Variants in CARHSP1 observed in about 807,000 individuals in gnomAD.
The protein encoded by CARHSP1 is calcium regulated heat stable protein 1, also known as calcium-regulated heat-stable protein 1.
CARHSP1 carries 14 observed loss-of-function variants against 12.5 expected under a neutral mutation model. The observed-to-expected ratio is 1.12, with a 90% CI of 0.74 to 1.75. CARHSP1 has a LOEUF of 1.75. CARHSP1 is among the 40% of genes most tolerant of loss of function. CARHSP1 has a pLI of 0.00. For missense variants in CARHSP1, 343 were observed against 201.6 expected (o/e 1.70, Z -4.25); for synonymous variants, 161 against 82.0 (o/e 1.96, Z -5.20).
chr16:8,860,930 A>C (rs748921651), intron 1 of CARHSP1, among the ~76,000 whole-genome samples: 12 of 151,440 alleles, frequency 7.9e-5, no homozygotes, highest in Non-Finnish European at 1.8e-4. Context: ...GGTGCCTGTA[A>C]TCCCAGCTAC....
chr16:8,859,590 C>A (rs1335682374), intron 1 of CARHSP1, among the ~76,000 whole-genome samples: 1 of 151,996 alleles, frequency 6.6e-6, no homozygotes, highest in African/African-American at 2.4e-5. Context: ...AGGATGGCAT[C>A]GGTCCCCTCT....
chr16:8,861,158 ATTTTTTTTTTTTTTTTT>A (rs765114977), intron 1 of CARHSP1, among the ~76,000 whole-genome samples: 204 of 51,260 alleles, frequency 4.0e-3, no homozygotes, highest in South Asian at 5.3e-3. Context: ...TCCATGCCTA[ATTTTTTTTTTTTTTTTT>A]TTTTTTTTTT....
At chr16:8,863,503 C>G (rs925707103) in intron 1 of CARHSP1, among the ~76,000 whole-genome samples, 2 of 152,222 alleles carry the variant, frequency 1.3e-5, no homozygotes, top group Non-Finnish European at 2.9e-5. Context: ...CCCAGCCCAG[C>G]AGGAGGTGGC....
intron 1 of CARHSP1, among the ~76,000 whole-genome samples, chr16:8,863,979 G>A (rs2061413768): frequency 6.6e-6 from 1 of 152,180 alleles, no homozygotes; most frequent in South Asian, 2.1e-4. Context: ...CCTGCCCTCT[G>A]TGACTAGCCT....
intron 3 of CARHSP1, among the ~76,000 whole-genome samples, chr16:8,857,266 T>TTTTGTTTTG (rs1213690410): frequency 2.0e-4 from 3 of 15,122 alleles, no homozygotes; most frequent in African/African-American, 6.5e-4. Flanking sequence ...CAGATCTGTT[T>TTTTGTTTTG]TTTTTTTTTT....
rs2061488770 is a variant in CARHSP1 at position 8,868,949 on chromosome 16, C to G, written c.-8+17G>C. The G allele has an allele frequency of 6.6e-6, 1 of 151,974 alleles. No homozygotes were observed. Among genetic ancestry groups the G allele is most frequent in the Non-Finnish European group, 1.5e-5 (1 of 68,030 alleles). The allele number at this position is 151,974 out of a possible 1,614,324, so 9.4% of individuals were successfully genotyped here. A position where few individuals can be genotyped will look rare whatever the true frequency, so the allele number is the denominator to read the frequency against. ...CCAGGGGCGCCTATCCTGGGGTCCCCGAGAAGAGCTCCCTACCCTGCAATC... is the reference window on the plus strand; with the variant it reads ...CCAGGGGCGCCTATCCTGGGGTCCCGGAGAAGAGCTCCCTACCCTGCAATC... On this transcript the variant is annotated intron_variant, in intron 1 of 3. Coordinates refer to ENST00000311052, the MANE Select transcript of CARHSP1 (RefSeq NM_014316.4).
chr16:8,860,310 C>T, intron 1 of CARHSP1: 1 of 984,818 alleles, frequency 1.0e-6, no homozygotes, highest in Non-Finnish European at 1.2e-6. Flanking sequence ...GGTCACCACG[C>T]TGTTATGAAA....
intron 1 of CARHSP1, chr16:8,868,701 A>G (rs1040645120): frequency 1.3e-5 from 2 of 151,920 alleles, no homozygotes; most frequent in Non-Finnish European, 2.9e-5. Flanking sequence ...CGCAGAGAAC[A>G]GGTGGCCAGG....
intron 3 of CARHSP1, 179 bp downstream of exon 3, chr16:8,858,171 A>C (rs2061210764): frequency 2.8e-6 from 2 of 721,840 alleles, no homozygotes; most frequent in Non-Finnish European, 4.5e-6. Context: ...GAGTCTCACA[A>C]CCCCAACCCA....
At chr16:8,866,326 C>G (rs1231128041) in intron 1 of CARHSP1, 2 of 569,842 alleles carry the variant, frequency 3.5e-6, no homozygotes, top group Admixed American at 6.3e-5. Context: ...CCGGGCTACA[C>G]TGGCCCATCT....
chr16:8,855,540 G>C (rs2061073000), intron 3 of CARHSP1, among the ~76,000 whole-genome samples: 1 of 152,168 alleles, frequency 6.6e-6, no homozygotes, highest in African/African-American at 2.4e-5. Context: ...GGCCCAATCA[G>C]CTCCTTCCCT....
chr16:8,861,586 G>A (rs2061356543), intron 1 of CARHSP1: 5 of 1,277,956 alleles, frequency 3.9e-6, no homozygotes, highest in Non-Finnish European at 5.1e-6. Flanking sequence ...AGACATTGCT[G>A]CACTCTCCCG....
intron 3 of CARHSP1, among the ~76,000 whole-genome samples, chr16:8,856,650 C>T (rs2061121431): frequency 6.6e-6 from 1 of 152,130 alleles, no homozygotes; most frequent in African/African-American, 2.4e-5. Context: ...AGGGGTAACT[C>T]CCCCATTGCA....
chr16:8,863,575 G>A (rs541384033), intron 1 of CARHSP1, among the ~76,000 whole-genome samples: 4 of 152,300 alleles, frequency 2.6e-5, no homozygotes, highest in South Asian at 2.1e-4. Flanking sequence ...GACTAGGGGC[G>A]GGGGCAGTGC....
rs780726763 is a variant in CARHSP1, at chr16:8,853,050, C to G, written c.*2114G>C. 2 of 152,170 alleles carry G rather than the reference C, an allele frequency of 1.3e-5. No homozygotes were observed. Among genetic ancestry groups the G allele is most frequent in the Non-Finnish European group, 2.9e-5 (2 of 68,050 alleles). 9.4% of individuals were successfully genotyped at this position (152,170 alleles called of 1,614,324 possible). ...CTCTCGCTCTGTCACCAAAACCCTCCGTCCCTCCCAGAGCCTCGAGGAGTT... is the reference window on the plus strand; with the variant it reads ...CTCTCGCTCTGTCACCAAAACCCTCGGTCCCTCCCAGAGCCTCGAGGAGTT... On this transcript the variant is annotated 3_prime_UTR_variant, in exon 4 of 4. Coordinates refer to ENST00000311052, the MANE Select transcript of CARHSP1 (RefSeq NM_014316.4).
chr16:8,862,851 C>T (rs1463891570), intron 1 of CARHSP1, among the ~76,000 whole-genome samples: 2 of 152,132 alleles, frequency 1.3e-5, no homozygotes, highest in Non-Finnish European at 2.9e-5. Context: ...TCGTCGTCCT[C>T]CTTGCATCTT....
rs1169435377 is a variant in CARHSP1 at position 8,854,861 on chromosome 16, C to T, written c.*303G>A. ...CAGCTGGAGAAATACCACCCTTGAT[C>T]CACTCCCTGGGATGGGGTTGGAACC... On this transcript the variant is annotated 3_prime_UTR_variant, in exon 4 of 4. Coordinates refer to ENST00000311052, the MANE Select transcript of CARHSP1 (RefSeq NM_014316.4). 1.2e-5 allele frequency: 3 copies of T among 243,168 alleles called. No individual in the cohort carries two copies. The highest frequency in any genetic ancestry group is 1.2e-3 in the Middle Eastern group (1 of 838). The allele number at this position is 243,168 out of a possible 1,614,324, so 15.1% of individuals were successfully genotyped here.
At chr16:8,855,900 G>A (rs1043111114) in intron 3 of CARHSP1, among the ~76,000 whole-genome samples, 3 of 152,154 alleles carry the variant, frequency 2.0e-5, no homozygotes, top group African/African-American at 7.2e-5. Context: ...TCAGCTTACT[G>A]CATCCACCTC....
At chr16:8,867,831 G>A (rs1475519723) in intron 1 of CARHSP1, 1 of 152,460 alleles carries the variant, frequency 6.6e-6, no homozygotes, top group African/African-American at 2.4e-5. Flanking sequence ...GCTGGAGAAG[G>A]TAGTGGCGGA....
Sources: gnomAD v4.1 joint callset for allele counts (sites outside exome capture counted in the v4.1 genomes callset) on GRCh38, gnomAD v4.1.1 for gene constraint, MANE v1.5 for transcripts, NCBI Gene and HGNC (gene_info 2026-07-23, HGNC 2026-07-21) for gene names.